The following PLEKHM3 variants were observed in gnomAD, a reference collection of about 807,000 sequenced individuals.
PLEKHM3 encodes pleckstrin homology domain containing M3.
PLEKHM3 carries 45 observed loss-of-function variants against 81.8 expected under a neutral mutation model. The ratio of observed to expected loss-of-function variants is 0.55; its 90% CI spans 0.43 to 0.71. The LOEUF is 0.71. Ranked by LOEUF, PLEKHM3 falls within the 30% of genes least tolerant of loss-of-function variation. The pLI is 0.00. For missense variants in PLEKHM3, 788 were observed against 924.3 expected (o/e 0.85, Z 1.91); for synonymous variants, 352 against 356.4 (o/e 0.99, Z 0.14).
Position 207,825,692 on chromosome 2 carries a change from G to C in PLEKHM3, c.*2627C>G, listed in dbSNP as rs974665124. 1 of 152,252 alleles carries C rather than the reference G, an allele frequency of 6.6e-6. No homozygotes were observed. Among genetic ancestry groups the C allele is most frequent in the Non-Finnish European group, 1.5e-5 (1 of 68,064 alleles). 9.4% of individuals were successfully genotyped at this position (152,252 alleles called of 1,614,324 possible). On this transcript the variant is annotated 3_prime_UTR_variant, in exon 8 of 8. Transcript: ENST00000427836. ...ATCAGATTTTGGTGGTGGTGGCAGAGAATGTCATAGGCCTGTGGCTGGCAC... is the reference window on the plus strand; with the variant it reads ...ATCAGATTTTGGTGGTGGTGGCAGACAATGTCATAGGCCTGTGGCTGGCAC...
chr2:207,897,333 A>G (rs1688259613), intron 6 of PLEKHM3, among the ~76,000 whole-genome samples: 2 of 152,140 alleles, frequency 1.3e-5, no homozygotes, highest in South Asian at 4.1e-4. Context: ...ACGCTGAAGA[A>G]AACTCCCAGG....
rs956304305 is a variant in PLEKHM3, at chr2:207,824,680, T to C, written c.*3639A>G. 47 of 152,382 alleles carry C rather than the reference T, an allele frequency of 3.1e-4. No homozygotes were observed. The highest frequency in any genetic ancestry group is 3.4e-3 in the Middle Eastern group (1 of 296). The allele number at this position is 152,382 out of a possible 1,614,324, so 9.4% of individuals were successfully genotyped here. A position where few individuals can be genotyped will look rare whatever the true frequency, so the allele number is the denominator to read the frequency against. ...AGGCACAGAAAAGAACTATCCGATG[T>C]CCACGTTCAGTGTGTACACACAACA... On this transcript the variant is annotated 3_prime_UTR_variant, in exon 8 of 8. Coordinates refer to ENST00000427836, the MANE Select transcript of PLEKHM3 (RefSeq NM_001080475.3).
At chr2:207,936,185 C>T (rs1689745517) in intron 4 of PLEKHM3, among the ~76,000 whole-genome samples, 1 of 152,122 alleles carries the variant, frequency 6.6e-6, no homozygotes, top group African/African-American at 2.4e-5. Context: ...TAGGGTCTTG[C>T]TGCTGCCCAA....
In PLEKHM3 at chr2:207,953,616, T is replaced by G. The variant is rs553177881; in HGVS notation, c.1547-7104A>C. Among the ~76,000 whole-genome samples the G allele has an allele frequency of 2.0e-4, 31 of 152,078 alleles. 1 individual carries two copies. The South Asian group carries it at 5.2e-3, about 25-fold the overall frequency. On this transcript the variant is annotated intron_variant, in intron 3 of 7. Transcript: ENST00000427836. ...CCAGCCTAGCCAACATGGTGAAACCTCTACTAAAAACAGCATGGTGAAACC... is the reference window on the plus strand; with the variant it reads ...CCAGCCTAGCCAACATGGTGAAACCGCTACTAAAAACAGCATGGTGAAACC...
At chr2:207,852,611 A>C (rs771357508) in intron 7 of PLEKHM3, among the ~76,000 whole-genome samples, 16 of 152,174 alleles carry the variant, frequency 1.1e-4, no homozygotes, top group Admixed American at 1.3e-4. Context: ...AGTATATTCT[A>C]GTACTGAAGA....
At chr2:207,904,049 C>A (rs568285849) in intron 6 of PLEKHM3, among the ~76,000 whole-genome samples, 1 of 152,338 alleles carries the variant, frequency 6.6e-6, no homozygotes, top group East Asian at 1.9e-4. Flanking sequence ...TTTCCCCATT[C>A]AAAACGTGCA....
chr2:207,923,906 T>TATATATATATATATATATATA (rs1491270678), intron 5 of PLEKHM3, among the ~76,000 whole-genome samples: 1 of 59,732 alleles, frequency 1.7e-5, no homozygotes, highest in Non-Finnish European at 3.1e-5. Flanking sequence ...TATATATATA[T>TATATATATATATATATATATA]TTTTTTTTTT....
intron 3 of PLEKHM3, among the ~76,000 whole-genome samples, chr2:207,957,518 A>G (rs1166308394): frequency 6.6e-6 from 1 of 152,142 alleles, no homozygotes; most frequent in Non-Finnish European, 1.5e-5. Flanking sequence ...CCAACATGGC[A>G]AAACTTTGTC....
intron 2 of PLEKHM3, among the ~76,000 whole-genome samples, chr2:207,988,315 A>G (rs927740975): frequency 6.6e-6 from 1 of 152,152 alleles, no homozygotes; most frequent in African/African-American, 2.4e-5. Flanking sequence ...TCAACTCCCA[A>G]TTCTGCCCTT....
chr2:207,839,579 G>A (rs727411), intron 7 of PLEKHM3, among the ~76,000 whole-genome samples: 2 of 151,868 alleles, frequency 1.3e-5, no homozygotes, highest in South Asian at 4.2e-4. Flanking sequence ...GGTGCTCAAA[G>A]TGTGGTCCCT....
intron 5 of PLEKHM3, among the ~76,000 whole-genome samples, chr2:207,923,088 C>T (rs2105924886): frequency 6.6e-6 from 1 of 152,194 alleles, no homozygotes; most frequent in East Asian, 1.9e-4. Context: ...TGGTGTGGTC[C>T]ACACAGGAAC....
At position 207,931,119 on chromosome 2, in the gene PLEKHM3, C is replaced by T; in HGVS notation, c.1693G>A (p.Val565Met). 1 of 1,604,004 alleles carries T rather than the reference C, an allele frequency of 6.2e-7. No individual in the cohort carries two copies. The highest frequency in any genetic ancestry group is 8.5e-7 in the Non-Finnish European group (1 of 1,173,138). The part of the protein sequence containing the change: ...VHNWDTSKYK[V>M]SKQAKEFLEY... ...AGAAACTCCTTGGCCTGCTTCGACA[C>T]CTACAAAACAAGCGTCGTCAGTCAG... The change falls in exon 5 of 8, where the codon GTG (valine) becomes ATG (methionine). Residue 565 changes from valine (V) to methionine (M), a missense_variant and splice_region_variant. Physicochemically the swap from Val to Met is conservative, Grantham distance 21 (BLOSUM62 1). Transcript: ENST00000427836.
At chr2:207,943,867 C>CAAAAAAAA (rs66843432) in intron 4 of PLEKHM3, among the ~76,000 whole-genome samples, 5 of 75,766 alleles carry the variant, frequency 6.6e-5, no homozygotes, top group African/African-American at 1.6e-4. Flanking sequence ...GACTCCGTCT[C>CAAAAAAAA]AAAAAAAAAA....
At chr2:208,018,125 A>C (rs1248406305) in intron 1 of PLEKHM3, among the ~76,000 whole-genome samples, 1 of 152,216 alleles carries the variant, frequency 6.6e-6, no homozygotes, top group African/African-American at 2.4e-5. Context: ...CTGTAATCCC[A>C]GCACTTTGGG....
intron 3 of PLEKHM3, among the ~76,000 whole-genome samples, chr2:207,951,837 C>G (rs992483028): frequency 6.6e-6 from 1 of 152,186 alleles, no homozygotes; most frequent in African/African-American, 2.4e-5. Flanking sequence ...TGAGGAAGAG[C>G]CAGCCACTTT....
rs758640638 is a variant in PLEKHM3, at chr2:207,861,122, C to A, written c.2091G>T (p.Glu697Asp). 8.7e-6 allele frequency: 14 copies of A among 1,613,396 alleles called. No individual in the cohort carries two copies. In the Middle Eastern group the frequency reaches 1.5e-3, roughly 171 times the overall value. The stretch of plus-strand genomic sequence containing the variant: ...TTCTGTACCTGCTTGTTGAAATATC[C>A]TCAAAAGGGTAGAGGATCTCTCCAT... ...CNNGEILYPFEDISTSRCESC... is the reference protein window; with the variant it reads ...CNNGEILYPFDDISTSRCESC... The change falls in exon 7 of 8, where the codon GAG (glutamate) becomes GAT (aspartate). Residue 697 changes from glutamate to aspartate, a missense_variant. Glu to Asp is a conservative substitution (Grantham distance 45). Transcript: ENST00000427836.
chr2:207,945,768 G>C (rs999835061), intron 4 of PLEKHM3, among the ~76,000 whole-genome samples: 5 of 152,096 alleles, frequency 3.3e-5, no homozygotes, highest in African/African-American at 1.2e-4. Flanking sequence ...GGGCGTGGTG[G>C]CATATGTGTG....
chr2:207,960,435 C>G (rs1690689552), intron 3 of PLEKHM3, among the ~76,000 whole-genome samples: 1 of 152,264 alleles, frequency 6.6e-6, no homozygotes, highest in East Asian at 1.9e-4. Flanking sequence ...GGACATCATG[C>G]CCTTCAGGAC....
chr2:207,865,801 A>AAAAAAAAAAAATATATAT, intron 6 of PLEKHM3, among the ~76,000 whole-genome samples: 1 of 25,300 alleles, frequency 4.0e-5, no homozygotes, highest in African/African-American at 2.1e-4. Context: ...AAAAAAAAAA[A>AAAAAAAAAAAATATATAT]AGATATATAT....
Sources: gnomAD v4.1 joint callset for allele counts (sites outside exome capture counted in the v4.1 genomes callset) on GRCh38, gnomAD v4.1.1 for gene constraint, MANE v1.5 for transcripts, NCBI Gene and HGNC (gene_info 2026-07-23, HGNC 2026-07-21) for gene names.